The following ANK3 variants were observed in gnomAD, a reference collection of about 807,000 sequenced individuals.
ANK3 encodes the protein ankyrin 3.
Under a neutral mutation model 370.9 loss-of-function variants are expected in ANK3, and 57 were observed. That is an observed-to-expected ratio of 0.15 (90% confidence interval 0.12 to 0.19). The LOEUF (loss-of-function observed/expected upper bound fraction) is 0.19, where lower values mean the gene tolerates loss of function less well. ANK3 is among the 10% of genes least tolerant of loss of function. The pLI, the probability that ANK3 is intolerant of heterozygous loss-of-function variation, is 1.00. For missense variants in ANK3, 4,439 were observed against 5,302.1 expected (o/e 0.84, Z 5.06); for synonymous variants, 1,929 against 1,946.3 (o/e 0.99, Z 0.23).
chr10:60,426,102 T>G (rs533359344), intron 2 of ANK3, among the ~76,000 whole-genome samples: 1 of 151,988 alleles, frequency 6.6e-6, no homozygotes, highest in Non-Finnish European at 1.5e-5. Flanking sequence ...TGTTTACCAG[T>G]TTTTAACTAC....
At chr10:60,275,079 A>G (rs2098067359) in intron 4 of ANK3, among the ~76,000 whole-genome samples, 1 of 152,226 alleles carries the variant, frequency 6.6e-6, no homozygotes, top group South Asian at 2.1e-4. Flanking sequence ...AGAAAAAAGT[A>G]CACCACTGTT....
intron 2 of ANK3, among the ~76,000 whole-genome samples, chr10:60,408,854 G>A (rs2063504892): frequency 6.6e-6 from 1 of 151,988 alleles, no homozygotes; most frequent in Non-Finnish European, 1.5e-5. Context: ...CCTCAGCCAG[G>A]CTTTTATATG....
At chr10:60,060,177 A>C (rs2080092554) in intron 40 of ANK3, 1 of 487,902 alleles carries the variant, frequency 2.0e-6, no homozygotes, top group African/African-American at 2.0e-5. Context: ...TGAAATAAAA[A>C]GCCTAGTGCA....
intron 11 of ANK3, among the ~76,000 whole-genome samples, chr10:60,204,160 AG>A (rs2096726131): frequency 6.6e-6 from 1 of 152,210 alleles, no homozygotes; most frequent in Admixed American, 6.5e-5. Flanking sequence ...GAATTCAAAA[AG>A]TGAGAAGAAT....
chr10:60,071,515 A>G lies in ANK3; in HGVS notation c.9366T>C (p.Cys3122=), dbSNP rs745907868. 2.5e-5 allele frequency: 41 copies of G among 1,613,936 alleles called. No individual in the cohort carries two copies. Among genetic ancestry groups the G allele is most frequent in the African/African-American group, 5.3e-5 (4 of 74,902 alleles). The part of the protein sequence containing the change: ...GGVKKIISQE[C]KTVQETRGTF... The stretch of plus-strand genomic sequence containing the variant: ...TCCCCCTGGTTTCTTGTACTGTCTT[A>G]CATTCCTGACTTATGATTTTTTTTA... Residue 3122 remains cysteine, a synonymous_variant, in exon 37 of 44, where the codon TGT becomes TGC. Coordinates refer to ENST00000280772, the MANE Select transcript of ANK3 (RefSeq NM_020987.5).
chr10:60,507,845 AT>A (rs1189580384), intron 2 of ANK3: 2 of 152,058 alleles, frequency 1.3e-5, no homozygotes, highest in Admixed American at 6.6e-5. Flanking sequence ...ATGACAATGT[AT>A]TTTTCCAATA....
At chr10:60,572,311 C>T (rs1319232945) in intron 2 of ANK3, among the ~76,000 whole-genome samples, 1 of 152,132 alleles carries the variant, frequency 6.6e-6, no homozygotes, top group Non-Finnish European at 1.5e-5. Flanking sequence ...CAAGACAGAA[C>T]ACACCCATTA....
intron 1 of ANK3, among the ~76,000 whole-genome samples, chr10:60,659,071 T>TA (rs911703538): frequency 3.3e-5 from 5 of 152,096 alleles, no homozygotes; most frequent in Non-Finnish European, 7.4e-5. Flanking sequence ...CAAACTGGAC[T>TA]AAAAAATTAA....
chr10:60,426,596 G>A (rs1036594635), intron 2 of ANK3, among the ~76,000 whole-genome samples: 6 of 152,072 alleles, frequency 3.9e-5, no homozygotes, highest in African/African-American at 1.4e-4. Context: ...TGTTGCTTTA[G>A]TTCCACAGGG....
chr10:60,279,713 G>T, intron 1 of ANK3, 74 bp from the exon 2 acceptor site: 1 of 1,100,036 alleles, frequency 9.1e-7, no homozygotes, highest in Non-Finnish European at 1.3e-6. Context: ...CCAGCTTAAG[G>T]TCCAAACTAA....
At chr10:60,127,494 G>C (rs956936239) in intron 25 of ANK3, among the ~76,000 whole-genome samples, 15 of 152,044 alleles carry the variant, frequency 9.9e-5, no homozygotes, top group African/African-American at 3.6e-4. Flanking sequence ...AAATCATACT[G>C]AATTACATGT....
At chr10:60,578,234 C>T (rs541115203) in intron 2 of ANK3, among the ~76,000 whole-genome samples, 4 of 152,264 alleles carry the variant, frequency 2.6e-5, no homozygotes, top group African/African-American at 7.2e-5. Context: ...TAGGGAGACA[C>T]AGAATGTTCA....
Position 60,713,940 on chromosome 10 carries a change from TA to T in ANK3, c.57+19322del, listed in dbSNP as rs961890319. ...GAAAATGGGAAATCGATAGAGAATA[TA>T]AAAAAAAAAGCTGGGTCTTTGCAAA... On this transcript the variant is annotated intron_variant, in intron 1 of 43. Transcript: ENST00000373827. Among the ~76,000 whole-genome samples, 118 of 143,370 alleles carry T rather than the reference TA, an allele frequency of 8.2e-4. No individual in the cohort carries two copies. In the Middle Eastern group the frequency reaches 0.01, roughly 13 times the overall value. 94.1% of individuals were successfully genotyped at this position (143,370 alleles called of 152,430 possible).
chr10:60,555,309 T>TA (rs1254423327), intron 2 of ANK3, among the ~76,000 whole-genome samples: 1 of 151,726 alleles, frequency 6.6e-6, no homozygotes, highest in Admixed American at 6.6e-5. Context: ...CCCATCTCTA[T>TA]AAAAAATTTT....
intron 2 of ANK3, among the ~76,000 whole-genome samples, chr10:60,401,705 A>G (rs1262296098): frequency 6.6e-6 from 1 of 152,244 alleles, no homozygotes; most frequent in African/African-American, 2.4e-5. Flanking sequence ...AAAAGGTTGT[A>G]TAATATTCCA....
At chr10:60,354,943 C>G (rs954611819) in intron 1 of ANK3, among the ~76,000 whole-genome samples, 1 of 152,074 alleles carries the variant, frequency 6.6e-6, no homozygotes, top group Non-Finnish European at 1.5e-5. Context: ...AATAAATACC[C>G]TGAGTCTGAT....
intron 1 of ANK3, among the ~76,000 whole-genome samples, chr10:60,351,819 A>G (rs2056916204): frequency 6.6e-6 from 1 of 152,204 alleles, no homozygotes; most frequent in Non-Finnish European, 1.5e-5. Flanking sequence ...CCCAGAATGT[A>G]AAGGTACACC....
chr10:60,207,917 G>T, intron 10 of ANK3, 119 bp downstream of exon 10: 1 of 900,016 alleles, frequency 1.1e-6, no homozygotes, highest in Non-Finnish European at 1.7e-6. Context: ...AAATTGACAA[G>T]AAGTACACTT....
chr10:60,247,382 G>A (rs7068536), intron 7 of ANK3, among the ~76,000 whole-genome samples: 110,192 of 152,004 alleles, frequency 0.72, 40,082 homozygotes, highest in East Asian at 0.85. Flanking sequence ...TAAAATATAC[G>A]TAACATAAAA....
Sources: allele counts gnomAD v4.1 joint callset (sites outside exome capture counted in the v4.1 genomes callset), GRCh38; gene constraint gnomAD v4.1.1; transcripts MANE v1.5; gene names NCBI Gene and HGNC (gene_info 2026-07-23, HGNC 2026-07-21).